The following NCKAP5 variants were observed in gnomAD, a reference collection of about 807,000 sequenced individuals.
NCKAP5 encodes the protein NCK associated protein 5.
NCKAP5 carries 92 observed loss-of-function variants against 167.0 expected under a neutral mutation model. The ratio of observed to expected loss-of-function variants is 0.55; its 90% confidence interval spans 0.47 to 0.66. NCKAP5 has a LOEUF of 0.66. Ranked by LOEUF, NCKAP5 falls within the 30% of genes least tolerant of loss-of-function variation. NCKAP5 has a pLI of 0.00. For synonymous variants in NCKAP5, 891 were observed against 877.4 expected, an observed-to-expected ratio of 1.02 and a Z score of -0.27; for missense variants, 2,378 against 2,315.0, an observed-to-expected ratio of 1.03 and a Z score of -0.56.
At chr2:132,706,161 G>T (rs1688342252) in intron 19 of NCKAP5, among the ~76,000 whole-genome samples, 2 of 152,052 alleles carry the variant, frequency 1.3e-5, no homozygotes, top group Admixed American at 1.3e-4. Context: ...GTTGGGATGA[G>T]CTCATGCACT....
chr2:133,438,069 C>T (rs1419707264), intron 3 of NCKAP5, among the ~76,000 whole-genome samples: 2 of 152,184 alleles, frequency 1.3e-5, no homozygotes, highest in African/African-American at 4.8e-5. Context: ...ACTTGAGTTG[C>T]TAATGGAGCC....
chr2:133,471,032 C>G (rs1209661704), intron 3 of NCKAP5, among the ~76,000 whole-genome samples: 2 of 152,260 alleles, frequency 1.3e-5, no homozygotes, highest in Non-Finnish European at 2.9e-5. Flanking sequence ...ATCTTGGCTC[C>G]TCCCCCCCTG....
At chr2:133,332,806 G>A (rs893934320) in intron 3 of NCKAP5, among the ~76,000 whole-genome samples, 6 of 152,214 alleles carry the variant, frequency 3.9e-5, no homozygotes, top group Admixed American at 3.3e-4. Flanking sequence ...CCTCACAGAT[G>A]GGTGACCCAA....
At chr2:133,237,573 C>A (rs1030502506) in intron 4 of NCKAP5, among the ~76,000 whole-genome samples, 1 of 152,178 alleles carries the variant, frequency 6.6e-6, no homozygotes, top group African/African-American at 2.4e-5. Context: ...CCAGGAGAAG[C>A]AGATACTGAA....
At chr2:132,837,628 T>G (rs79274189) in intron 11 of NCKAP5, among the ~76,000 whole-genome samples, 6,805 of 152,290 alleles carry the variant, frequency 0.045, 175 homozygotes, top group East Asian at 0.093. Context: ...AGATGACCTC[T>G]GGGTTCCTTT....
intron 6 of NCKAP5, among the ~76,000 whole-genome samples, chr2:133,072,618 C>T (rs1405694444): frequency 6.6e-6 from 1 of 152,172 alleles, no homozygotes; most frequent in African/African-American, 2.4e-5. Context: ...TAACACATGC[C>T]ATTTTTAATT....
intron 8 of NCKAP5, among the ~76,000 whole-genome samples, chr2:132,920,765 ATGTATG>A (rs1695321074): frequency 7.5e-5 from 4 of 53,226 alleles, no homozygotes; most frequent in Non-Finnish European, 1.2e-4. Context: ...ATGTATATAT[ATGTATG>A]TATATATATA....
intron 7 of NCKAP5, among the ~76,000 whole-genome samples, chr2:132,970,666 C>A (rs1251944213): frequency 2.6e-5 from 4 of 152,186 alleles, no homozygotes; most frequent in Non-Finnish European, 5.9e-5. Flanking sequence ...ATCCTTAGAG[C>A]TGTAAGTTTC....
At position 132,881,444 on chromosome 2, in the gene NCKAP5, G is replaced by T. The variant is rs534057942; in HGVS notation, c.580-2528C>A. On this transcript the variant is annotated intron_variant, in intron 8 of 19. Transcript: ENST00000409261. ...CCCGCCTCGGCCTCCCAAAGTGCTGGGATTACAGACATGAGCCATTGCACC... is the reference window on the plus strand; with the variant it reads ...CCCGCCTCGGCCTCCCAAAGTGCTGTGATTACAGACATGAGCCATTGCACC... 3.3e-5 allele frequency among the ~76,000 whole-genome samples: 5 copies of T among 152,116 alleles called. No individual in the cohort carries two copies. The South Asian group carries it at 1.0e-3, about 32-fold the overall frequency.
chr2:133,598,921 G>A, the NCKAP5 span, among the ~76,000 whole-genome samples: 1 of 152,214 alleles, frequency 6.6e-6, no homozygotes, highest in African/African-American at 2.4e-5. Flanking sequence ...GCTTCTGCTG[G>A]TTGCTGGCAG....
intron 3 of NCKAP5, among the ~76,000 whole-genome samples, chr2:133,319,953 C>CA (rs1681909993): frequency 6.6e-6 from 1 of 152,126 alleles, no homozygotes; most frequent in Non-Finnish European, 1.5e-5. Flanking sequence ...TGAAAGACTG[C>CA]AAATTGAGGG....
At chr2:132,968,059 G>C (rs1331481874) in intron 7 of NCKAP5, among the ~76,000 whole-genome samples, 1 of 152,190 alleles carries the variant, frequency 6.6e-6, no homozygotes, top group Non-Finnish European at 1.5e-5. Flanking sequence ...AGCTGAGGGA[G>C]GGTCTGTGGT....
intron 8 of NCKAP5, among the ~76,000 whole-genome samples, chr2:132,935,201 T>C (rs1323365685): frequency 6.6e-6 from 1 of 152,152 alleles, no homozygotes. Context: ...GATTTGTAGA[T>C]TGGATTGATG....
chr2:133,156,969 G>A (rs1283597279), intron 5 of NCKAP5, among the ~76,000 whole-genome samples: 1 of 152,026 alleles, frequency 6.6e-6, no homozygotes, highest in Non-Finnish European at 1.5e-5. Flanking sequence ...CCTGTACCTT[G>A]CAATCTGAAT....
At position 132,781,196 on chromosome 2, in the gene NCKAP5, ACTTT is replaced by A; in HGVS notation, c.4901_4904del (p.Glu1634ValfsTer12). On this transcript the variant is annotated frameshift_variant, in exon 15 of 20. Coordinates refer to ENST00000409261, the MANE Select transcript of NCKAP5 (RefSeq NM_207363.3). LOFTEE classifies it high-confidence loss of function. The stretch of plus-strand genomic sequence containing the variant: ...TCCTGCAGGAAGCATTACTTGATCC[ACTTT>A]CTGTCTGTGGAGCTGCTTTCTTATC... 1.2e-6 allele frequency: 2 copies of A among 1,613,820 alleles called. No homozygotes were observed. Among genetic ancestry groups the A allele is most frequent in the Non-Finnish European group, 1.7e-6 (2 of 1,179,810 alleles).
intron 6 of NCKAP5, among the ~76,000 whole-genome samples, chr2:133,093,515 C>A (rs2081254343): frequency 6.6e-6 from 1 of 152,202 alleles, no homozygotes; most frequent in African/African-American, 2.4e-5. Flanking sequence ...AGACAGGGAA[C>A]AAACCCTTCT....
At chr2:133,222,447 G>T (rs960375569) in intron 4 of NCKAP5, among the ~76,000 whole-genome samples, 15 of 152,028 alleles carry the variant, frequency 9.9e-5, no homozygotes, top group Non-Finnish European at 2.1e-4. Context: ...TCAATATGCT[G>T]CAATGTCACA....
At position 133,265,876 on chromosome 2, in the gene NCKAP5, G is replaced by A. The variant is rs552147715; in HGVS notation, c.143+37161C>T. The stretch of plus-strand genomic sequence containing the variant: ...CAAACCCAATGGCCTCCCGGCCCGG[G>A]AAAGGCGCCACTCCAGTGGCCCCTA... On this transcript the variant is annotated intron_variant, in intron 4 of 19. Coordinates refer to ENST00000409261, the MANE Select transcript of NCKAP5 (RefSeq NM_207363.3). Among the ~76,000 whole-genome samples, 34 of 152,284 alleles carry A rather than the reference G, an allele frequency of 2.2e-4. 1 individual carries two copies. In the South Asian group the frequency reaches 6.8e-3, roughly 31 times the overall value.
intron 5 of NCKAP5, among the ~76,000 whole-genome samples, chr2:133,166,993 A>AAATTAAAC (rs1427329159): frequency 6.6e-6 from 1 of 152,346 alleles, no homozygotes; most frequent in African/African-American, 2.4e-5. Context: ...AATCATAAGC[A>AAATTAAAC]AATTAAACAT....
Sources: allele counts gnomAD v4.1 joint callset (sites outside exome capture counted in the v4.1 genomes callset), GRCh38; gene constraint gnomAD v4.1.1; transcripts MANE v1.5; gene names NCBI Gene and HGNC (gene_info 2026-07-23, HGNC 2026-07-21).